Variants in TENM3 observed in about 807,000 individuals in gnomAD.
TENM3 encodes the protein teneurin transmembrane protein 3.
TENM3 carries 63 observed loss-of-function variants against 255.1 expected under a neutral mutation model. The observed-to-expected ratio is 0.25, with a 90% CI of 0.20 to 0.30. The LOEUF (loss-of-function observed/expected upper bound fraction) is 0.30. Among genes scored for constraint, TENM3 ranks in the 10% least tolerant of loss-of-function variants. The pLI is 1.00. For missense variants in TENM3, 2,929 were observed against 3,461.1 expected, an observed-to-expected ratio of 0.85 and a Z score of 3.86; for synonymous variants, 1,306 against 1,322.3, an observed-to-expected ratio of 0.99 and a Z score of 0.27.
chr4:181,519,044 T>G, the TENM3 span, among the ~76,000 whole-genome samples: 1 of 152,088 alleles, frequency 6.6e-6, no homozygotes, highest in Non-Finnish European at 1.5e-5. Context: ...ACAAAAAAAA[T>G]ATATGTTTAA....
At chr4:182,304,888 C>T (rs75764503) in intron 1 of TENM3, among the ~76,000 whole-genome samples, 3,830 of 152,246 alleles carry the variant, frequency 0.025, 170 homozygotes, top group African/African-American at 0.088. Context: ...ATGTGCTGCA[C>T]GTGAATGACA....
At chr4:182,226,430 A>G (rs1014453605) in intron 1 of TENM3, among the ~76,000 whole-genome samples, 22 of 152,222 alleles carry the variant, frequency 1.4e-4, no homozygotes, top group South Asian at 6.2e-4. Context: ...TATTTCAACA[A>G]TGCCCAAATA....
the TENM3 span, among the ~76,000 whole-genome samples, chr4:182,137,343 C>G: frequency 2.8e-5 from 4 of 144,576 alleles, no homozygotes; most frequent in South Asian, 9.3e-4. Context: ...TCCCCCCCCC[C>G]AAAAAGGAAT....
intron 3 of TENM3, among the ~76,000 whole-genome samples, chr4:182,563,619 C>A (rs1289933749): frequency 3.3e-5 from 5 of 152,068 alleles, no homozygotes; most frequent in African/African-American, 1.2e-4. Context: ...TATAACAATA[C>A]TATGATGTAG....
At chr4:181,907,381 C>T in the TENM3 span, among the ~76,000 whole-genome samples, 9 of 152,164 alleles carry the variant, frequency 5.9e-5, no homozygotes, top group Non-Finnish European at 1.2e-4. Context: ...AAATCTTCCA[C>T]TACCTCAAAA....
chr4:181,584,737 C>T, the TENM3 span, among the ~76,000 whole-genome samples: 173 of 152,128 alleles, frequency 1.1e-3, no homozygotes, highest in African/African-American at 3.9e-3. Context: ...AAAAGTTTGC[C>T]GAAGTTCTTT....
chr4:182,458,040 A>C (rs934619527), intron 3 of TENM3, among the ~76,000 whole-genome samples: 2 of 152,198 alleles, frequency 1.3e-5, no homozygotes, highest in Non-Finnish European at 2.9e-5. Flanking sequence ...AAACATTCTC[A>C]TATTTGCTCA....
At chr4:181,655,167 G>T in the TENM3 span, among the ~76,000 whole-genome samples, 1 of 152,162 alleles carries the variant, frequency 6.6e-6, no homozygotes, top group Non-Finnish European at 1.5e-5. Flanking sequence ...CTGCCAGTGA[G>T]AATCAAAAGT....
chr4:182,359,472 A>G (rs944083058), intron 3 of TENM3, among the ~76,000 whole-genome samples: 1 of 150,594 alleles, frequency 6.6e-6, no homozygotes, highest in African/African-American at 2.4e-5. Flanking sequence ...CGAGGAATTT[A>G]TCCATTTTTT....
intron 3 of TENM3, among the ~76,000 whole-genome samples, chr4:182,595,983 T>C (rs1253713932): frequency 6.6e-6 from 1 of 151,996 alleles, no homozygotes; most frequent in Non-Finnish European, 1.5e-5. Flanking sequence ...CAAAGAAATA[T>C]TCCTAAACTC....
chr4:182,693,214 G>A lies in TENM3; in HGVS notation c.2221+4863G>A, dbSNP rs553389097. Among the ~76,000 whole-genome samples, 5 of 152,224 alleles carry A rather than the reference G, an allele frequency of 3.3e-5. No homozygotes were observed. In the South Asian group the frequency reaches 1.0e-3, roughly 32 times the overall value. On this transcript the variant is annotated intron_variant, in intron 12 of 27. Coordinates refer to ENST00000511685, the MANE Select transcript of TENM3 (RefSeq NM_001080477.4). The stretch of plus-strand genomic sequence containing the variant: ...TATTGAACATCTCTTCTGTGATACT[G>A]AGAACAATTTCTTACAAAAGTCAGT...
intron 3 of TENM3, among the ~76,000 whole-genome samples, chr4:182,370,672 G>A (rs1228287502): frequency 1.3e-5 from 2 of 152,060 alleles, no homozygotes; most frequent in Non-Finnish European, 2.9e-5. Flanking sequence ...GTTTTCCCAA[G>A]TATTGTTATC....
the TENM3 span, among the ~76,000 whole-genome samples, chr4:181,706,804 C>T: frequency 1.3e-5 from 2 of 152,166 alleles, no homozygotes; most frequent in East Asian, 3.9e-4. Context: ...TGAATTAGCC[C>T]AGGCTTCTGG....
chr4:182,531,110 G>C (rs977390756), intron 3 of TENM3, among the ~76,000 whole-genome samples: 2 of 152,088 alleles, frequency 1.3e-5, no homozygotes, highest in African/African-American at 2.4e-5. Context: ...AGTGAAGAAG[G>C]CTGGGTGAGA....
At chr4:181,790,480 GT>G in the TENM3 span, among the ~76,000 whole-genome samples, 2 of 152,116 alleles carry the variant, frequency 1.3e-5, no homozygotes, top group African/African-American at 2.4e-5. Flanking sequence ...TATTTGTTAA[GT>G]TTCTTGCATG....
the TENM3 span, among the ~76,000 whole-genome samples, chr4:181,567,912 C>A: frequency 6.6e-6 from 1 of 152,130 alleles, no homozygotes; most frequent in African/African-American, 2.4e-5. Context: ...ATATCTTCAT[C>A]TTCTGTTGAC....
At chr4:182,341,024 G>A (rs1764455682) in intron 2 of TENM3, among the ~76,000 whole-genome samples, 1 of 152,080 alleles carries the variant, frequency 6.6e-6, no homozygotes, top group South Asian at 2.1e-4. Context: ...ATATGATGAA[G>A]AAAAAGGGAA....
the TENM3 span, among the ~76,000 whole-genome samples, chr4:181,605,538 G>T: frequency 4.5e-5 from 1 of 22,456 alleles, no homozygotes; most frequent in Non-Finnish European, 1.2e-4. Flanking sequence ...AAGAAAGAAA[G>T]AAAGAAAGAA....
the TENM3 span, among the ~76,000 whole-genome samples, chr4:181,843,724 T>C: frequency 6.8e-6 from 1 of 147,260 alleles, no homozygotes; most frequent in Non-Finnish European, 1.5e-5. Context: ...TTCTTTTTTT[T>C]TTTTTTTTTT....
Sources: gnomAD v4.1 joint callset for allele counts (sites outside exome capture counted in the v4.1 genomes callset) on GRCh38, gnomAD v4.1.1 for gene constraint, MANE v1.5 for transcripts, NCBI Gene and HGNC (gene_info 2026-07-23, HGNC 2026-07-21) for gene names.